The following PDE8A variants were observed in gnomAD, a reference collection of about 807,000 sequenced individuals.
The protein encoded by PDE8A is high affinity cAMP-specific and IBMX-insensitive 3',5'-cyclic phosphodiesterase 8A.
A neutral mutation model predicts 105.0 loss-of-function variants in PDE8A; 59 were observed. The ratio of observed to expected loss-of-function variants is 0.56; its 90% CI spans 0.46 to 0.70. The LOEUF is 0.70. PDE8A is among the 30% of genes least tolerant of loss of function. The pLI, the probability that PDE8A is intolerant of heterozygous loss-of-function variation, is 0.00. For synonymous variants in PDE8A, 355 were observed against 371.9 expected (o/e 0.95, Z 0.52); for missense variants, 1,014 against 1,045.9 (o/e 0.97, Z 0.42).
chr15:85,064,973 A>G (rs1208574407), intron 2 of PDE8A, among the ~76,000 whole-genome samples: 2 of 152,180 alleles, frequency 1.3e-5, no homozygotes, highest in Admixed American at 1.3e-4. Context: ...CCCTGTCTCA[A>G]ACAAACAAAA....
Position 84,986,182 on chromosome 15 carries a change from G to A in PDE8A, c.186+3834G>A, listed in dbSNP as rs572254275. On this transcript the variant is annotated intron_variant, in intron 1 of 21. Coordinates refer to ENST00000394553, the MANE Select transcript of PDE8A (RefSeq NM_002605.3). ...TTCAAGGTTGCTGTGAGCCGAGAGT[G>A]CGTCCCTGCACTCCAGCCTGGGCAA... is the stretch of plus-strand genomic sequence containing the variant. Among the ~76,000 whole-genome samples, 5 of 152,284 alleles carry A rather than the reference G, an allele frequency of 3.3e-5. No individual in the cohort carries two copies. In the East Asian group the frequency reaches 9.7e-4, roughly 29 times the overall value.
chr15:85,075,171 GC>G (rs2141479576), intron 3 of PDE8A, among the ~76,000 whole-genome samples: 1 of 152,208 alleles, frequency 6.6e-6, no homozygotes, highest in South Asian at 2.1e-4. Context: ...ATTCCCCATG[GC>G]CTCTAAAGCT....
rs1478995189 is a variant in PDE8A at position 84,985,558 on chromosome 15, A to G, written c.186+3210A>G. 2.6e-5 allele frequency among the ~76,000 whole-genome samples: 4 copies of G among 152,118 alleles called. No individual in the cohort carries two copies. The South Asian group carries it at 6.2e-4, about 24-fold the overall frequency. On this transcript the variant is annotated intron_variant, in intron 1 of 21. Coordinates refer to ENST00000394553, the MANE Select transcript of PDE8A (RefSeq NM_002605.3). ...ATTTGCATGTAGTGTTAGAGACCCTATGCTCACCCCCTATCTTCCTTTTTG... is the reference window on the plus strand; with the variant it reads ...ATTTGCATGTAGTGTTAGAGACCCTGTGCTCACCCCCTATCTTCCTTTTTG...
chr15:85,060,186 A>G (rs1440457544), intron 1 of PDE8A, among the ~76,000 whole-genome samples: 1 of 152,060 alleles, frequency 6.6e-6, no homozygotes, highest in Non-Finnish European at 1.5e-5. Flanking sequence ...CCCTTTGTGT[A>G]TATTCTGTAG....
At chr15:85,098,818 A>G (rs2081804684) in intron 9 of PDE8A, among the ~76,000 whole-genome samples, 1 of 152,102 alleles carries the variant, frequency 6.6e-6, no homozygotes, top group South Asian at 2.1e-4. Flanking sequence ...AAAATTAGCT[A>G]GGTGTGGTGA....
chr15:85,041,631 C>T (rs924002247), intron 1 of PDE8A, among the ~76,000 whole-genome samples: 2 of 152,050 alleles, frequency 1.3e-5, no homozygotes, highest in African/African-American at 4.8e-5. Context: ...ACATTTTTTT[C>T]TTATATAAAC....
At chr15:85,040,371 A>T (rs1192021886) in intron 1 of PDE8A, among the ~76,000 whole-genome samples, 4 of 95,600 alleles carry the variant, frequency 4.2e-5, no homozygotes, top group Non-Finnish European at 1.0e-4. Flanking sequence ...CCTCTTCTCT[A>T]AAAAAAAAAA....
intron 11 of PDE8A, among the ~76,000 whole-genome samples, chr15:85,105,809 A>G (rs577523190): frequency 3.3e-5 from 5 of 152,278 alleles, no homozygotes; most frequent in Admixed American, 3.3e-4. Flanking sequence ...GCACCCAGTA[A>G]GCATGAGGCC....
At chr15:85,098,882 G>A (rs2081806166) in intron 9 of PDE8A, among the ~76,000 whole-genome samples, 1 of 151,966 alleles carries the variant, frequency 6.6e-6, no homozygotes, top group African/African-American at 2.4e-5. Context: ...GCTTGATCTT[G>A]GGAGGTCGAG....
intron 15 of PDE8A, 181 bp downstream of exon 15, chr15:85,115,668 G>C (rs1303294964): frequency 1.8e-6 from 1 of 550,220 alleles, no homozygotes; most frequent in African/African-American, 2.0e-5. Context: ...TCCTGGCCGG[G>C]AGCGGTGGCT....
chr15:85,048,702 C>T (rs1439004004), intron 1 of PDE8A, among the ~76,000 whole-genome samples: 4 of 152,212 alleles, frequency 2.6e-5, no homozygotes, highest in Non-Finnish European at 5.9e-5. Flanking sequence ...AAAAACTCAT[C>T]GTTCAAACTG....
intron 1 of PDE8A, among the ~76,000 whole-genome samples, chr15:84,992,828 C>G (rs996112081): frequency 3.9e-5 from 6 of 152,102 alleles, no homozygotes; most frequent in Admixed American, 3.3e-4. Context: ...TATGGTTTAC[C>G]AAATGCTATT....
Position 85,100,210 on chromosome 15 carries a change from CG to C in PDE8A, c.1036+13del, listed in dbSNP as rs748522092. 136 of 1,604,062 alleles carry C rather than the reference CG, an allele frequency of 8.5e-5. No individual in the cohort carries two copies. In the African/African-American group the frequency reaches 1.8e-3, roughly 21 times the overall value. ...TGACACTCATACAGGTACGGTGCCCCGTATTTATTCTTAGAGTTCATTGAGT... is the reference window on the plus strand; with the variant it reads ...TGACACTCATACAGGTACGGTGCCCCTATTTATTCTTAGAGTTCATTGAGT... On this transcript the variant is annotated intron_variant, in intron 11 of 21. Transcript: ENST00000394553.
intron 1 of PDE8A, among the ~76,000 whole-genome samples, chr15:85,060,809 A>G (rs1475626140): frequency 2.6e-5 from 4 of 152,244 alleles, no homozygotes; most frequent in Non-Finnish European, 4.4e-5. Context: ...TGTAGGAAAC[A>G]AACAAAAGGA....
At chr15:85,028,136 A>G (rs1487936727) in intron 1 of PDE8A, among the ~76,000 whole-genome samples, 1 of 152,226 alleles carries the variant, frequency 6.6e-6, no homozygotes, top group Non-Finnish European at 1.5e-5. Flanking sequence ...ATATATGTAC[A>G]TGGTACACAA....
At chr15:84,981,199 C>T (rs372047449), upstream of PDE8A, among the ~76,000 whole-genome samples, 7 of 152,216 alleles carry the variant, frequency 4.6e-5, no homozygotes, top group East Asian at 9.6e-4. Flanking sequence ...CTGGGCAAGT[C>T]TCTTTCCTTC....
At chr15:85,108,646 A>T (rs2081979311) in intron 11 of PDE8A, among the ~76,000 whole-genome samples, 2 of 152,140 alleles carry the variant, frequency 1.3e-5, no homozygotes, top group Admixed American at 1.3e-4. Flanking sequence ...TTTCCCTGGG[A>T]TATTGTAGTC....
chr15:85,034,272 C>T (rs960244770), intron 1 of PDE8A, among the ~76,000 whole-genome samples: 13 of 152,050 alleles, frequency 8.5e-5, no homozygotes, highest in African/African-American at 2.4e-4. Flanking sequence ...ATGCATTTTT[C>T]TATGTTAGAA....
chr15:84,990,184 C>T (rs757360708), intron 1 of PDE8A, among the ~76,000 whole-genome samples: 1 of 150,284 alleles, frequency 6.7e-6, no homozygotes, highest in South Asian at 2.1e-4. Context: ...GACCTCATCT[C>T]AAAAAAAAAT....
Sources: gnomAD v4.1 joint callset for allele counts (sites outside exome capture counted in the v4.1 genomes callset) on GRCh38, gnomAD v4.1.1 for gene constraint, MANE v1.5 for transcripts, NCBI Gene and HGNC (gene_info 2026-07-23, HGNC 2026-07-21) for gene names.